Variants in SI observed in about 807,000 individuals in gnomAD.
The protein encoded by SI is sucrase-isomaltase.
SI carries 235 observed loss-of-function variants against 253.3 expected under a neutral mutation model. The observed-to-expected ratio is 0.93, with a 90% confidence interval of 0.83 to 1.03. The LOEUF is 1.03. SI is among the 50% of genes least tolerant of loss of function. The pLI, the probability that SI is intolerant of heterozygous loss-of-function variation, is 0.00. For synonymous variants in SI, 819 were observed against 712.0 expected (o/e 1.15, Z -2.39); for missense variants, 2,442 against 2,211.1 (o/e 1.10, Z -2.09).
intron 35 of SI, among the ~76,000 whole-genome samples, chr3:165,008,665 C>A (rs1718630412): frequency 6.6e-6 from 1 of 151,762 alleles, no homozygotes; most frequent in Non-Finnish European, 1.5e-5. Flanking sequence ...TACAAAGTTT[C>A]CACATAGTGA....
intron 13 of SI, among the ~76,000 whole-genome samples, chr3:165,052,175 G>A (rs1470004204): frequency 6.6e-6 from 1 of 151,912 alleles, no homozygotes; most frequent in Non-Finnish European, 1.5e-5. Context: ...GTTTTTAAGT[G>A]GCATTTTGAA....
Position 165,050,816 on chromosome 3 carries a change from C to T in SI, c.1513-941G>A, listed in dbSNP as rs1373574536. On this transcript the variant is annotated intron_variant, in intron 13 of 47. Transcript: ENST00000264382. ...TACATTTCCTTTTCCCCATCCACAT[C>T]ATGCCCATATTTTAAGACTCACTGC... Among the ~76,000 whole-genome samples the T allele has an allele frequency of 4.6e-5, 7 of 151,996 alleles. No homozygotes were observed. The East Asian group carries it at 1.4e-3, about 29-fold the overall frequency.
At chr3:165,019,901 G>A (rs1719226331) in intron 27 of SI, 131 bp from the exon 28 acceptor site, 2 of 816,278 alleles carry the variant, frequency 2.5e-6, no homozygotes, top group Admixed American at 2.1e-5. Flanking sequence ...TTATACCCAG[G>A]TACCAAATGG....
chr3:165,047,851 T>TC (rs1436579627), intron 15 of SI, among the ~76,000 whole-genome samples: 4 of 151,570 alleles, frequency 2.6e-5, no homozygotes, highest in Admixed American at 6.6e-5. Context: ...AGATTTTTTT[T>TC]TTATTTTCTA....
chr3:165,072,741 C>T (rs574743283), intron 3 of SI, among the ~76,000 whole-genome samples: 10 of 152,174 alleles, frequency 6.6e-5, no homozygotes, highest in Admixed American at 1.3e-4. Context: ...AGCAAAGTGA[C>T]ACTGGAATAT....
At chr3:165,009,210 A>T (rs1718655730) in intron 35 of SI, 69 bp downstream of exon 35, 2 of 1,003,636 alleles carry the variant, frequency 2.0e-6, no homozygotes, top group Non-Finnish European at 3.2e-6. Context: ...TATTTGAGCC[A>T]AGTACTAATT....
chr3:165,067,202 C>T, intron 6 of SI, 138 bp downstream of exon 6: 2 of 613,614 alleles, frequency 3.3e-6, no homozygotes, highest in Non-Finnish European at 5.5e-6. Flanking sequence ...ACTCCTTTAT[C>T]ACCGTAATTT....
Position 165,030,748 on chromosome 3 carries a change from T to C in SI, c.2856A>G (p.Glu952=). 6.2e-7 allele frequency: 1 copy of C among 1,609,282 alleles called. No individual in the cohort carries two copies. Among genetic ancestry groups the C allele is most frequent in the South Asian group, 1.1e-5 (1 of 90,938 alleles). The stretch of plus-strand genomic sequence containing the variant: ...CACAGCCACGTTGTGTGCACTTTTG[T>C]TCAGTTGCCAAATCTGCATCTGGAT... ...NCYPDADLAT[E]QKCTQRGCVW... is the part of the protein sequence containing the mutation. The change falls in exon 25 of 48, where the codon GAA becomes GAG. Residue 952 remains glutamate, a synonymous_variant. Coordinates refer to ENST00000264382, the MANE Select transcript of SI (RefSeq NM_001041.4).
intron 37 of SI, among the ~76,000 whole-genome samples, chr3:164,999,879 G>A (rs1718182565): frequency 6.6e-6 from 1 of 151,450 alleles, no homozygotes; most frequent in Non-Finnish European, 1.5e-5. Context: ...AACTTAAAAT[G>A]TTCTACTTCT....
chr3:165,087,549 A>C, the SI span, among the ~76,000 whole-genome samples: 1 of 152,162 alleles, frequency 6.6e-6, no homozygotes, highest in Non-Finnish European at 1.5e-5. Flanking sequence ...TGAAGCTTAT[A>C]GTTCAATTAG....
At chr3:165,042,978 C>T in intron 17 of SI, 81 bp downstream of exon 17, 1 of 860,950 alleles carries the variant, frequency 1.2e-6, no homozygotes, top group Non-Finnish European at 2.0e-6. Flanking sequence ...AGACCATATA[C>T]TCTATAGATT....
intron 13 of SI, among the ~76,000 whole-genome samples, chr3:165,054,218 C>T (rs1713574549): frequency 6.6e-6 from 1 of 151,880 alleles, no homozygotes; most frequent in African/African-American, 2.4e-5. Flanking sequence ...ATGGTGTGGA[C>T]CTAAAAACCA....
At chr3:165,009,478 C>A in intron 34 of SI, 83 bp from the exon 35 acceptor site, 1 of 796,692 alleles carries the variant, frequency 1.3e-6, no homozygotes, top group South Asian at 1.4e-5. Flanking sequence ...TTTGACAGAT[C>A]CACAAGTCAT....
chr3:165,045,986 A>G (rs1046116797), intron 16 of SI, among the ~76,000 whole-genome samples: 1 of 151,370 alleles, frequency 6.6e-6, no homozygotes. Context: ...GGTGCCTGCC[A>G]TCATGCCCGT....
At chr3:165,052,899 T>C (rs1445925220) in intron 13 of SI, among the ~76,000 whole-genome samples, 1 of 152,042 alleles carries the variant, frequency 6.6e-6, no homozygotes, top group African/African-American at 2.4e-5. Context: ...GTAAACTTAT[T>C]TGGGCATATC....
rs991405722 is a variant in SI, at chr3:165,017,568, C to G, written c.3739G>C (p.Val1247Leu). Residue 1247 changes from valine to leucine, a missense_variant, in exon 31 of 48, where the codon GTG becomes CTG. By Grantham distance (32) the Val-to-Leu change is conservative. Coordinates refer to ENST00000264382, the MANE Select transcript of SI (RefSeq NM_001041.4). ...SEVRELYDAM[V>L]AANIPYDVQY... ...CATACATAGGGGATGTTAGCAGCCA[C>G]CATAGCGTCATATAATTCCCGAACC... is the stretch of plus-strand genomic sequence containing the variant. 2 of 1,612,348 alleles carry G rather than the reference C, an allele frequency of 1.2e-6. No homozygotes were observed. The highest frequency in any genetic ancestry group is 1.7e-6 in the Non-Finnish European group (2 of 1,178,764).
chr3:165,071,405 CAGTT>C (rs1489268885), intron 3 of SI, among the ~76,000 whole-genome samples: 1 of 151,520 alleles, frequency 6.6e-6, no homozygotes, highest in Admixed American at 6.6e-5. Flanking sequence ...TCATCTGACA[CAGTT>C]AAACTCTAGC....
chr3:165,025,903 C>A (rs892627422), intron 25 of SI, among the ~76,000 whole-genome samples: 1 of 151,100 alleles, frequency 6.6e-6, no homozygotes, highest in Non-Finnish European at 1.5e-5. Flanking sequence ...GCATAAATCT[C>A]ACAGGACCTA....
chr3:165,054,156 G>A (rs1560010055), intron 13 of SI, among the ~76,000 whole-genome samples: 2 of 152,014 alleles, frequency 1.3e-5, no homozygotes, highest in Non-Finnish European at 2.9e-5. Context: ...ATAAATAAGT[G>A]AATAATTAGA....
Sources: allele counts gnomAD v4.1 joint callset (sites outside exome capture counted in the v4.1 genomes callset), GRCh38; gene constraint gnomAD v4.1.1; transcripts MANE v1.5; gene names NCBI Gene and HGNC (gene_info 2026-07-23, HGNC 2026-07-21).